FHOD3: variants seen among roughly 807,000 people sequenced by gnomAD.
FHOD3 encodes the protein FH1/FH2 domain-containing protein 3.
Under a neutral mutation model 173.0 loss-of-function variants are expected in FHOD3, and 90 were observed. The ratio of observed to expected loss-of-function variants is 0.52; its 90% confidence interval spans 0.44 to 0.62. The LOEUF is 0.62. Ranked by LOEUF, FHOD3 falls within the 20% of genes least tolerant of loss-of-function variation. The pLI is 0.00. For missense variants in FHOD3, 1,945 were observed against 2,034.7 expected (o/e 0.96, Z 0.85); for synonymous variants, 828 against 823.0 (o/e 1.01, Z -0.10).
intron 1 of FHOD3, among the ~76,000 whole-genome samples, chr18:36,313,705 G>C (rs1196424899): frequency 6.6e-6 from 1 of 152,098 alleles, no homozygotes; most frequent in Non-Finnish European, 1.5e-5. Flanking sequence ...TCTGGTTTTT[G>C]GTGATTATGA....
At chr18:36,486,763 A>G (rs1159339908) in intron 3 of FHOD3, among the ~76,000 whole-genome samples, 1 of 152,220 alleles carries the variant, frequency 6.6e-6, no homozygotes, top group Non-Finnish European at 1.5e-5. Context: ...CTCAAACAAG[A>G]CAAAAAATAT....
chr18:36,667,828 A>G (rs1006725441), intron 14 of FHOD3, among the ~76,000 whole-genome samples: 1 of 152,204 alleles, frequency 6.6e-6, no homozygotes, highest in South Asian at 2.1e-4. Flanking sequence ...TATGATGGCT[A>G]TAACATCACT....
intron 5 of FHOD3, among the ~76,000 whole-genome samples, chr18:36,553,186 A>G (rs2057733627): frequency 6.6e-6 from 1 of 152,168 alleles, no homozygotes; most frequent in Non-Finnish European, 1.5e-5. Context: ...ATCATGGTGG[A>G]TAAGCTTTTT....
At chr18:36,401,055 T>C (rs2048786507) in intron 3 of FHOD3, among the ~76,000 whole-genome samples, 1 of 152,018 alleles carries the variant, frequency 6.6e-6, no homozygotes, top group Admixed American at 6.5e-5. Flanking sequence ...TGGACACTAG[T>C]TAGGGAGAAG....
chr18:36,754,771 A>G (rs1187482774), intron 24 of FHOD3, among the ~76,000 whole-genome samples: 1 of 151,724 alleles, frequency 6.6e-6, no homozygotes, highest in Non-Finnish European at 1.5e-5. Context: ...AGTTTTACAT[A>G]TATCCATTTT....
At chr18:36,353,851 C>T (rs2046242174) in intron 1 of FHOD3, among the ~76,000 whole-genome samples, 1 of 152,178 alleles carries the variant, frequency 6.6e-6, no homozygotes, top group Non-Finnish European at 1.5e-5. Context: ...ATCTGGGCAG[C>T]AAAGTGCTCT....
rs1487585746 is a variant in FHOD3, at chr18:36,779,662, C to T, written c.*132C>T. 5 of 763,716 alleles carry T rather than the reference C, an allele frequency of 6.5e-6. No homozygotes were observed. The highest frequency in any genetic ancestry group is 3.0e-4 in the Middle Eastern group (1 of 3,382). 47.3% of individuals were successfully genotyped at this position (763,716 alleles called of 1,614,324 possible). A position where few individuals can be genotyped will look rare whatever the true frequency, so the allele number is the denominator to read the frequency against. On this transcript the variant is annotated 3_prime_UTR_variant, in exon 29 of 29. Coordinates refer to ENST00000590592, the MANE Select transcript of FHOD3 (RefSeq NM_001281740.3). ...TGAAAAGGGAGAGCTCAATTCCCAGCGTCACCCCATGGCTTGTGTTGCCTG... is the reference window on the plus strand; with the variant it reads ...TGAAAAGGGAGAGCTCAATTCCCAGTGTCACCCCATGGCTTGTGTTGCCTG...
intron 1 of FHOD3, among the ~76,000 whole-genome samples, chr18:36,313,914 C>T (rs2092309200): frequency 6.7e-6 from 1 of 150,070 alleles, no homozygotes; most frequent in South Asian, 2.1e-4. Flanking sequence ...GACAGAGTTG[C>T]ACTCTGTTGC....
At chr18:36,691,279 A>G (rs1287273668) in intron 16 of FHOD3, among the ~76,000 whole-genome samples, 3 of 152,152 alleles carry the variant, frequency 2.0e-5, no homozygotes, top group Non-Finnish European at 4.4e-5. Flanking sequence ...CACCCACTCC[A>G]GACTCATTTG....
At chr18:36,576,598 T>C (rs1217818392) in intron 6 of FHOD3, 53 bp downstream of exon 6, 49 of 1,416,132 alleles carry the variant, frequency 3.5e-5, no homozygotes, top group Non-Finnish European at 4.7e-5. Context: ...TCACTTGCCT[T>C]TCTTTTTTCT....
chr18:36,410,328 T>C (rs2049292964), intron 3 of FHOD3, among the ~76,000 whole-genome samples: 1 of 152,216 alleles, frequency 6.6e-6, no homozygotes, highest in African/African-American at 2.4e-5. Context: ...TGTTGTAGTA[T>C]TCATTGGTAC....
intron 3 of FHOD3, among the ~76,000 whole-genome samples, chr18:36,406,668 C>T (rs2049090508): frequency 6.6e-6 from 1 of 152,034 alleles, no homozygotes. Context: ...ACTGGGAGCT[C>T]TTATATTTGG....
intron 3 of FHOD3, among the ~76,000 whole-genome samples, chr18:36,405,758 A>G (rs1434995821): frequency 1.3e-5 from 2 of 152,250 alleles, no homozygotes; most frequent in African/African-American, 4.8e-5. Context: ...TATGGAACAG[A>G]TGTGATTCTT....
intron 16 of FHOD3, among the ~76,000 whole-genome samples, chr18:36,689,004 CTG>C (rs2038799497): frequency 6.6e-6 from 1 of 152,224 alleles, no homozygotes; most frequent in Admixed American, 6.5e-5. Context: ...CCCAGGCCCA[CTG>C]TGGGATTCTT....
rs2043949658 is a variant in FHOD3 at position 36,779,600 on chromosome 18, T to TG, written c.*74dup. The TG allele has an allele frequency of 2.2e-6, 3 of 1,363,876 alleles. No homozygotes were observed. The highest frequency in any genetic ancestry group is 3.1e-6 in the Non-Finnish European group (3 of 956,728). The allele number at this position is 1,363,876 out of a possible 1,614,324, so 84.5% of individuals were successfully genotyped here. A position where few individuals can be genotyped will look rare whatever the true frequency, so the allele number is the denominator to read the frequency against. ...TCTTGCTGGATGAAACCCCTCCAGG[T>TG]GGGGTTGGGGAGACTTGATATTCAC... On this transcript the variant is annotated 3_prime_UTR_variant, in exon 29 of 29. Transcript: ENST00000590592.
chr18:36,715,516 C>A (rs2040400734), intron 18 of FHOD3, among the ~76,000 whole-genome samples: 1 of 152,172 alleles, frequency 6.6e-6, no homozygotes, highest in Non-Finnish European at 1.5e-5. Flanking sequence ...AAGAGGCAAA[C>A]CCAGAGGAGT....
chr18:36,674,196 G>A (rs2037706698), intron 14 of FHOD3, among the ~76,000 whole-genome samples: 2 of 152,132 alleles, frequency 1.3e-5, no homozygotes, highest in Admixed American at 1.3e-4. Context: ...TGACACTGAA[G>A]CCTTGGCTTT....
chr18:36,421,380 C>T (rs8088004), intron 3 of FHOD3, among the ~76,000 whole-genome samples: 8,595 of 152,158 alleles, frequency 0.056, 815 homozygotes, highest in African/African-American at 0.19. Flanking sequence ...GTAAGACTGT[C>T]CTTATTCTTA....
intron 3 of FHOD3, 84 bp downstream of exon 3, chr18:36,372,828 G>T (rs1294025555): frequency 1.6e-6 from 2 of 1,218,480 alleles, no homozygotes; most frequent in Non-Finnish European, 2.4e-6. Context: ...CTGTTATGCT[G>T]TCTGTTTGCA....
Sources: gnomAD v4.1 joint callset for allele counts (sites outside exome capture counted in the v4.1 genomes callset) on GRCh38, gnomAD v4.1.1 for gene constraint, MANE v1.5 for transcripts, NCBI Gene and HGNC (gene_info 2026-07-23, HGNC 2026-07-21) for gene names.